Variants in TMC1 observed in about 807,000 individuals in gnomAD.
TMC1 encodes transmembrane channel-like protein 1.
A neutral mutation model predicts 105.8 loss-of-function variants in TMC1; 84 were observed. The observed-to-expected ratio is 0.79, with a 90% CI of 0.67 to 0.95. The LOEUF is 0.95. Among genes scored for constraint, TMC1 ranks in the 40% least tolerant of loss-of-function variants. The pLI is 0.00. For missense variants in TMC1, 817 were observed against 914.1 expected (o/e 0.89, Z 1.37); for synonymous variants, 315 against 311.5 (o/e 1.01, Z -0.12).
chr9:72,649,164 A>T (rs1161950321), intron 5 of TMC1, among the ~76,000 whole-genome samples: 1 of 152,212 alleles, frequency 6.6e-6, no homozygotes. Flanking sequence ...TAGGATATTT[A>T]TGTGAAGGAA....
chr9:72,658,378 A>C (rs1444845), intron 5 of TMC1, among the ~76,000 whole-genome samples: 78,903 of 151,220 alleles, frequency 0.52, 21,037 homozygotes, highest in African/African-American at 0.64. Flanking sequence ...CTAAACATTT[A>C]ATCTCTTTCA....
intron 4 of TMC1, among the ~76,000 whole-genome samples, chr9:72,632,166 A>G (rs373230570): frequency 6.6e-6 from 1 of 152,170 alleles, no homozygotes. Flanking sequence ...GGGAGCTAGC[A>G]TATCACATGG....
At chr9:72,567,267 T>G (rs1019166721) in intron 1 of TMC1, among the ~76,000 whole-genome samples, 1 of 152,260 alleles carries the variant, frequency 6.6e-6, no homozygotes, top group Non-Finnish European at 1.5e-5. Context: ...CGTATTTGTC[T>G]GCTTACTTGT....
intron 4 of TMC1, among the ~76,000 whole-genome samples, chr9:72,637,267 T>C (rs936888195): frequency 6.6e-6 from 1 of 151,708 alleles, no homozygotes. Context: ...AGTTATCTAG[T>C]ATAGAGAAGT....
chr9:72,576,471 T>G (rs939212834), intron 1 of TMC1, among the ~76,000 whole-genome samples: 3 of 151,994 alleles, frequency 2.0e-5, no homozygotes, highest in Non-Finnish European at 4.4e-5. Flanking sequence ...AGCACCTCTT[T>G]GATTCAATAA....
chr9:72,729,070 T>TCTAAA (rs1564517930), intron 8 of TMC1, among the ~76,000 whole-genome samples: 1 of 152,134 alleles, frequency 6.6e-6, no homozygotes. Context: ...GAAGTCATCC[T>TCTAAA]GAGTCTGAAG....
Position 72,792,363 on chromosome 9 carries a change from C to G in TMC1, c.1566+11C>G, listed in dbSNP as rs1352189885. 3 of 1,613,752 alleles carry G rather than the reference C, an allele frequency of 1.9e-6. No individual in the cohort carries two copies. In the African/African-American group the frequency reaches 4.0e-5, roughly 22 times the overall value. ...ACAATGGTGGGACAGGTAATGCCAC[C>G]AACAGAAGTGTATGGCAATTAGTAG... On this transcript the variant is annotated intron_variant, in intron 17 of 23. Transcript: ENST00000297784.
chr9:72,680,478 GA>G (rs904135105), intron 5 of TMC1, among the ~76,000 whole-genome samples: 2 of 151,404 alleles, frequency 1.3e-5, no homozygotes, highest in African/African-American at 2.4e-5. Context: ...CTAAAAAGCA[GA>G]AAAAAAATGG....
At chr9:72,524,965 C>A (rs1470062790) in intron 1 of TMC1, among the ~76,000 whole-genome samples, 1 of 152,182 alleles carries the variant, frequency 6.6e-6, no homozygotes, top group East Asian at 1.9e-4. Context: ...GATCACCACA[C>A]ACCTGCACAG....
intron 12 of TMC1, among the ~76,000 whole-genome samples, chr9:72,761,344 G>T (rs79910560): frequency 0.091 from 13,825 of 152,218 alleles, 796 homozygotes; most frequent in Non-Finnish European, 0.14. Flanking sequence ...AATTTGGAAG[G>T]AGCTTCAGCT....
chr9:72,760,833 C>T (rs1827745094), intron 12 of TMC1, among the ~76,000 whole-genome samples: 1 of 152,126 alleles, frequency 6.6e-6, no homozygotes, highest in African/African-American at 2.4e-5. Flanking sequence ...TTGTGAGGAA[C>T]TACCAATCTG....
At chr9:72,642,584 A>G (rs571402193) in intron 4 of TMC1, among the ~76,000 whole-genome samples, 1 of 152,352 alleles carries the variant, frequency 6.6e-6, no homozygotes, top group South Asian at 2.1e-4. Context: ...GGTTTGTCAC[A>G]TATTTTTAAA....
At chr9:72,592,974 C>CT (rs1824662165) in intron 2 of TMC1, among the ~76,000 whole-genome samples, 1 of 152,158 alleles carries the variant, frequency 6.6e-6, no homozygotes, top group Non-Finnish European at 1.5e-5. Flanking sequence ...ATTATCTTGA[C>CT]TAGGCTCAGG....
At chr9:72,644,281 C>T (rs1825674591) in intron 4 of TMC1, among the ~76,000 whole-genome samples, 1 of 151,650 alleles carries the variant, frequency 6.6e-6, no homozygotes. Context: ...ATAAAGTTCA[C>T]TTTATGTTTT....
intron 2 of TMC1, among the ~76,000 whole-genome samples, chr9:72,608,702 CAAAAA>C (rs10548842): frequency 1.6e-5 from 2 of 122,738 alleles, no homozygotes; most frequent in Admixed American, 8.4e-5. Context: ...GACTTCATCT[CAAAAA>C]AAAAAAAAAA....
intron 1 of TMC1, among the ~76,000 whole-genome samples, chr9:72,540,774 C>T (rs1217891417): frequency 7.2e-5 from 11 of 152,130 alleles, no homozygotes; most frequent in Non-Finnish European, 1.5e-4. Flanking sequence ...GCACAGGCCC[C>T]GTAGCTGAAC....
chr9:72,724,557 A>AT (rs56017811), intron 8 of TMC1, among the ~76,000 whole-genome samples: 34,597 of 151,920 alleles, frequency 0.23, 4,273 homozygotes, highest in East Asian at 0.38. Context: ...ATAAACAGGG[A>AT]TTTTTTTTAG....
At chr9:72,648,368 A>C (rs1438469697) in intron 4 of TMC1, among the ~76,000 whole-genome samples, 1 of 152,142 alleles carries the variant, frequency 6.6e-6, no homozygotes, top group Non-Finnish European at 1.5e-5. Flanking sequence ...GACTTATATG[A>C]TCAGTTTAGT....
intron 10 of TMC1, among the ~76,000 whole-genome samples, chr9:72,748,703 G>A (rs1259853672): frequency 6.6e-6 from 1 of 152,124 alleles, no homozygotes; most frequent in Non-Finnish European, 1.5e-5. Context: ...AAGGGATAAA[G>A]AGGGAAGATT....
Sources: allele counts gnomAD v4.1 joint callset (sites outside exome capture counted in the v4.1 genomes callset), GRCh38; gene constraint gnomAD v4.1.1; transcripts MANE v1.5; gene names NCBI Gene and HGNC (gene_info 2026-07-23, HGNC 2026-07-21).